Variants in GRM7 observed in about 807,000 individuals in gnomAD.
GRM7 encodes the protein metabotropic glutamate receptor 7.
GRM7 carries 35 observed loss-of-function variants against 84.5 expected under a neutral mutation model. That is an observed-to-expected ratio of 0.41 (90% confidence interval 0.32 to 0.55). GRM7 has a LOEUF of 0.55. GRM7 is among the 20% of genes least tolerant of loss of function. GRM7 has a pLI of 0.19. For missense variants in GRM7, 1,003 were observed against 1,194.6 expected (o/e 0.84, Z 2.36); for synonymous variants, 487 against 455.1 (o/e 1.07, Z -0.89).
At chr3:7,580,890 G>GA (rs3838618) in intron 8 of GRM7, among the ~76,000 whole-genome samples, 142 of 149,040 alleles carry the variant, frequency 9.5e-4, no homozygotes, top group East Asian at 4.6e-3. Flanking sequence ...ATAGAGAGAA[G>GA]AAAAAAAAAA....
intron 1 of GRM7, among the ~76,000 whole-genome samples, chr3:6,888,836 T>G (rs1695813552): frequency 6.6e-6 from 1 of 152,314 alleles, no homozygotes; most frequent in African/African-American, 2.4e-5. Flanking sequence ...ACGGCCATTT[T>G]CATGATATTG....
At position 7,675,770 on chromosome 3, in the gene GRM7, G is replaced by T. The variant is rs17725019; in HGVS notation, c.2452-4279G>T. The stretch of plus-strand genomic sequence containing the variant: ...ATATAAAGTGGTTACAGTGAAAGCC[G>T]TATCCTTAGATCTAAACCCCAGAAA... On this transcript the variant is annotated intron_variant, in intron 8 of 9. Coordinates refer to ENST00000357716, the MANE Select transcript of GRM7 (RefSeq NM_000844.4). Among the ~76,000 whole-genome samples, 454 of 152,308 alleles carry T rather than the reference G, an allele frequency of 3.0e-3. 1 individual carries two copies. The highest frequency in any genetic ancestry group is 5.5e-3 in the Non-Finnish European group (374 of 68,024).
At chr3:7,338,961 C>T (rs1479171010) in intron 4 of GRM7, among the ~76,000 whole-genome samples, 6 of 151,564 alleles carry the variant, frequency 4.0e-5, no homozygotes. Flanking sequence ...AATACTCCTA[C>T]CTGGCATCAG....
chr3:7,456,448 T>C (rs926778099), intron 6 of GRM7, among the ~76,000 whole-genome samples: 32 of 90,768 alleles, frequency 3.5e-4, no homozygotes, highest in Admixed American at 9.3e-4. Context: ...TATTTTTTTT[T>C]CCTTTTTTTT....
intron 1 of GRM7, among the ~76,000 whole-genome samples, chr3:7,046,992 G>T (rs1339629282): frequency 6.6e-6 from 1 of 152,012 alleles, no homozygotes; most frequent in Admixed American, 6.6e-5. Context: ...GGGGATATTT[G>T]TTAAATACAT....
intron 2 of GRM7, among the ~76,000 whole-genome samples, chr3:7,264,364 C>T (rs1698554136): frequency 6.6e-6 from 1 of 152,144 alleles, no homozygotes; most frequent in East Asian, 1.9e-4. Flanking sequence ...GGCTGGAGTT[C>T]TGCCCCTACC....
chr3:7,734,212 C>T (rs1237773198), intron 9 of GRM7, among the ~76,000 whole-genome samples: 1 of 131,680 alleles, frequency 7.6e-6, no homozygotes. Flanking sequence ...CCTTATTCAC[C>T]ATTAGGAAGG....
chr3:7,008,858 T>G (rs542668832), intron 1 of GRM7, among the ~76,000 whole-genome samples: 1 of 152,180 alleles, frequency 6.6e-6, no homozygotes, highest in African/African-American at 2.4e-5. Flanking sequence ...ATTCTGTTCG[T>G]ACTGCACATT....
rs747299432 is a variant in GRM7 at position 7,579,082 on chromosome 3, C to T, written c.2176C>T (p.Pro726Ser). The T allele has an allele frequency of 1.2e-6, 2 of 1,613,970 alleles. No homozygotes were observed. Among genetic ancestry groups the T allele is most frequent in the Non-Finnish European group, 1.7e-6 (2 of 1,179,906 alleles). ...GVFIWFGVDP[P>S]NIIIDYDEHK... ...GTTCATTTGGTTTGGTGTTGATCCA[C>T]CCAACATCATCATAGACTATGATGA... The change falls in exon 8 of 10, where the codon CCC becomes TCC. Residue 726 changes from proline (P) to serine (S), a missense_variant. Pro to Ser is a moderately conservative substitution (Grantham distance 74, BLOSUM62 -1). This residue lies in a region of GRM7 where 910 missense variants were observed against 1,126.0 expected (regional missense o/e 0.81). Coordinates refer to ENST00000357716, the MANE Select transcript of GRM7 (RefSeq NM_000844.4).
At chr3:6,881,597 G>GA (rs34773999) in intron 1 of GRM7, among the ~76,000 whole-genome samples, 32 of 147,832 alleles carry the variant, frequency 2.2e-4, no homozygotes, top group African/African-American at 3.3e-4. Context: ...AAATTTTAAA[G>GA]AAAAAAAAAA....
At chr3:6,967,456 A>G (rs188990958) in intron 1 of GRM7, among the ~76,000 whole-genome samples, 541 of 152,212 alleles carry the variant, frequency 3.6e-3, no homozygotes, top group African/African-American at 0.012. Flanking sequence ...TGGTCTCCCA[A>G]AGTGTTGGGA....
At chr3:7,367,724 A>G (rs1693958869) in intron 4 of GRM7, among the ~76,000 whole-genome samples, 1 of 150,588 alleles carries the variant, frequency 6.6e-6, no homozygotes. Context: ...AGAGAAGGAG[A>G]AAAAAAAAGG....
chr3:7,655,045 A>AT (rs1309767310), intron 8 of GRM7, among the ~76,000 whole-genome samples: 8 of 152,176 alleles, frequency 5.3e-5, no homozygotes, highest in Non-Finnish European at 8.8e-5. Context: ...GAACAGACCC[A>AT]TTTTAACAAG....
intron 1 of GRM7, among the ~76,000 whole-genome samples, chr3:6,951,004 C>T (rs905277213): frequency 6.6e-5 from 10 of 152,192 alleles, no homozygotes; most frequent in East Asian, 3.9e-4. Flanking sequence ...TTGCGCTTCC[C>T]GGGTGAGGTG....
intron 8 of GRM7, among the ~76,000 whole-genome samples, chr3:7,633,483 G>A (rs1697943417): frequency 2.0e-5 from 3 of 152,042 alleles, no homozygotes; most frequent in Admixed American, 1.3e-4. Context: ...GGAGCGAGAC[G>A]AACAAACTGG....
intron 1 of GRM7, among the ~76,000 whole-genome samples, chr3:6,993,042 T>G (rs941461418): frequency 1.3e-5 from 2 of 152,236 alleles, no homozygotes; most frequent in African/African-American, 4.8e-5. Flanking sequence ...CAGTTCAGCA[T>G]GGCTGGGGAA....
intron 1 of GRM7, among the ~76,000 whole-genome samples, chr3:7,106,977 A>G (rs1692673565): frequency 6.6e-6 from 1 of 152,062 alleles, no homozygotes; most frequent in Admixed American, 6.6e-5. Flanking sequence ...CAATATAATG[A>G]TGACCAAATC....
chr3:7,199,410 C>A (rs1027737518), intron 2 of GRM7, among the ~76,000 whole-genome samples: 32 of 152,198 alleles, frequency 2.1e-4, no homozygotes, highest in Non-Finnish European at 3.7e-4. Flanking sequence ...AACCACTTAG[C>A]CAATCTTTCC....
chr3:7,038,719 A>G (rs550229908), intron 1 of GRM7, among the ~76,000 whole-genome samples: 45 of 152,368 alleles, frequency 3.0e-4, no homozygotes, highest in African/African-American at 9.9e-4. Flanking sequence ...TGCTGTGAAC[A>G]GTAAAAAGAG....
Sources: gnomAD v4.1 joint callset for allele counts (sites outside exome capture counted in the v4.1 genomes callset) on GRCh38, gnomAD v4.1.1 for gene constraint, gnomAD v4.1.1 regional missense constraint, MANE v1.5 for transcripts, NCBI Gene and HGNC (gene_info 2026-07-23, HGNC 2026-07-21) for gene names.